Variants in NRG1 observed in about 807,000 individuals in gnomAD.
NRG1 encodes the protein pro-neuregulin-1, membrane-bound isoform.
Under a neutral mutation model 63.8 loss-of-function variants are expected in NRG1, and 18 were observed. The ratio of observed to expected loss-of-function variants is 0.28; its 90% CI spans 0.19 to 0.42. The LOEUF is 0.42. NRG1 is among the 10% of genes least tolerant of loss of function. The probability of loss-of-function intolerance (pLI) is 1.00; values close to 1 mark genes in which losing one functional copy is unlikely to be tolerated. For synonymous variants in NRG1, 302 were observed against 301.3 expected, an observed-to-expected ratio of 1.00 and a Z score of -0.02; for missense variants, 762 against 814.7, an observed-to-expected ratio of 0.94 and a Z score of 0.79.
chr8:31,982,118 G>A (rs1188712949), intron 1 of NRG1, among the ~76,000 whole-genome samples: 1 of 151,880 alleles, frequency 6.6e-6, no homozygotes, highest in Non-Finnish European at 1.5e-5. Flanking sequence ...GGTAAAGGTG[G>A]CAGGATCATT....
intron 1 of NRG1, among the ~76,000 whole-genome samples, chr8:32,007,378 C>A (rs1813947304): frequency 6.6e-6 from 1 of 152,024 alleles, no homozygotes; most frequent in Non-Finnish European, 1.5e-5. Flanking sequence ...TTGGCTAATT[C>A]TGCTCAGAAT....
intron 5 of NRG1, among the ~76,000 whole-genome samples, chr8:32,649,256 T>G (rs2129547172): frequency 1.3e-5 from 2 of 152,016 alleles, no homozygotes; most frequent in African/African-American, 4.8e-5. Context: ...GCCCACGCTC[T>G]TAAAAACAAT....
chr8:32,667,685 T>TA (rs1563902829), intron 5 of NRG1, among the ~76,000 whole-genome samples: 1 of 152,174 alleles, frequency 6.6e-6, no homozygotes, highest in African/African-American at 2.4e-5. Context: ...AGCAGAGACT[T>TA]AGAGTTCACT....
intron 3 of NRG1, among the ~76,000 whole-genome samples, chr8:32,608,452 C>T (rs1845739164): frequency 6.6e-6 from 1 of 152,134 alleles, no homozygotes; most frequent in South Asian, 2.1e-4. Context: ...AGTCTACCCA[C>T]CTTGAACTCC....
intron 1 of NRG1, among the ~76,000 whole-genome samples, chr8:31,773,959 T>C (rs1169481119): frequency 6.6e-6 from 1 of 152,070 alleles, no homozygotes; most frequent in East Asian, 1.9e-4. Flanking sequence ...CAAATCTGCA[T>C]TGGGTACTCA....
At chr8:32,454,049 C>T (rs185439247) in intron 1 of NRG1, among the ~76,000 whole-genome samples, 1 of 152,260 alleles carries the variant, frequency 6.6e-6, no homozygotes, top group East Asian at 1.9e-4. Context: ...AAAGCATATC[C>T]TGCCTTGAAA....
intron 7 of NRG1, among the ~76,000 whole-genome samples, chr8:32,750,565 C>T (rs1021709849): frequency 9.2e-5 from 14 of 152,110 alleles, no homozygotes; most frequent in African/African-American, 3.1e-4. Flanking sequence ...CATCATGCAG[C>T]AGGGGCATCC....
At chr8:32,366,343 G>A (rs1280387766) in intron 1 of NRG1, among the ~76,000 whole-genome samples, 1 of 151,578 alleles carries the variant, frequency 6.6e-6, no homozygotes, top group Non-Finnish European at 1.5e-5. Flanking sequence ...CTCTTCATCT[G>A]CCCCCCACCT....
chr8:32,750,829 G>A (rs1589587163), intron 7 of NRG1, among the ~76,000 whole-genome samples: 1 of 152,140 alleles, frequency 6.6e-6, no homozygotes, highest in African/African-American at 2.4e-5. Flanking sequence ...AACACAAGGG[G>A]GAGCACCTCT....
intron 1 of NRG1, among the ~76,000 whole-genome samples, chr8:32,149,312 T>C (rs890280611): frequency 6.6e-6 from 1 of 152,220 alleles, no homozygotes; most frequent in Non-Finnish European, 1.5e-5. Context: ...TGGAGTTTCT[T>C]TCCCATCTTA....
chr8:32,233,536 AAT>A lies in NRG1; in HGVS notation c.38-362265_38-362264del, dbSNP rs71541806. ...CACACTGTTGCTCATAACTCGAAAG[AAT>A]ATATATATATATATATATATATATA... is the stretch of plus-strand genomic sequence containing the variant. On this transcript the variant is annotated intron_variant, in intron 1 of 10. Coordinates refer to the NRG1 transcript ENST00000519301. Among the ~76,000 whole-genome samples, 738 of 88,012 alleles carry A rather than the reference AAT, an allele frequency of 8.4e-3. 5 individuals carry two copies. Among genetic ancestry groups the A allele is most frequent in the African/African-American group, 0.023 (586 of 25,302 alleles). The allele number at this position is 88,012 out of a possible 152,430, so 57.7% of individuals were successfully genotyped here.
exon 3 of NRG1, chr8:32,605,664 C>T: frequency 6.2e-7 from 1 of 1,613,218 alleles, no homozygotes; most frequent in Non-Finnish European, 8.5e-7. Flanking sequence ...CTGCCAATAT[C>T]ACCATCGTGG....
intron 1 of NRG1, among the ~76,000 whole-genome samples, chr8:31,845,036 G>A (rs1233246047): frequency 6.6e-6 from 1 of 152,036 alleles, no homozygotes; most frequent in Non-Finnish European, 1.5e-5. Flanking sequence ...AAACCCGGGA[G>A]GCGGAGGTTG....
chr8:31,694,774 T>TAAA (rs1268780281), intron 1 of NRG1, among the ~76,000 whole-genome samples: 4 of 152,214 alleles, frequency 2.6e-5, no homozygotes, highest in Non-Finnish European at 4.4e-5. Context: ...ATGATCATCT[T>TAAA]GCTGTTCTTA....
chr8:31,938,546 C>G (rs1801283282), intron 1 of NRG1, among the ~76,000 whole-genome samples: 1 of 152,010 alleles, frequency 6.6e-6, no homozygotes, highest in Non-Finnish European at 1.5e-5. Context: ...GCAATGGATC[C>G]AAACCAAGAT....
At chr8:32,462,654 A>T (rs1039180756) in intron 1 of NRG1, among the ~76,000 whole-genome samples, 2 of 117,500 alleles carry the variant, frequency 1.7e-5, no homozygotes, top group Admixed American at 1.3e-4. Flanking sequence ...CTCAGGCTGG[A>T]GTTCAGTGGC....
chr8:31,940,414 A>G (rs1390140010), intron 1 of NRG1, among the ~76,000 whole-genome samples: 1 of 152,120 alleles, frequency 6.6e-6, no homozygotes, highest in Non-Finnish European at 1.5e-5. Context: ...TGCTAAGGGG[A>G]AAGTTCATAG....
chr8:32,077,718 C>A (rs1047273326), intron 1 of NRG1, among the ~76,000 whole-genome samples: 5 of 152,040 alleles, frequency 3.3e-5, no homozygotes, highest in Non-Finnish European at 5.9e-5. Flanking sequence ...CTTTGATGAG[C>A]CTAATACAGG....
chr8:31,834,262 A>C (rs1346762962), intron 1 of NRG1, among the ~76,000 whole-genome samples: 2 of 141,066 alleles, frequency 1.4e-5, no homozygotes, highest in Non-Finnish European at 3.1e-5. Context: ...CTATGTAAAG[A>C]ATTGGAAAAA....
Sources: allele counts gnomAD v4.1 joint callset (sites outside exome capture counted in the v4.1 genomes callset), GRCh38; gene constraint gnomAD v4.1.1; transcripts MANE v1.5; gene names NCBI Gene and HGNC (gene_info 2026-07-23, HGNC 2026-07-21).